Variants in TENM3 observed in about 807,000 individuals in gnomAD.
TENM3 encodes the protein teneurin-3.
A neutral mutation model predicts 255.1 loss-of-function variants in TENM3; 63 were observed. That is an observed-to-expected ratio of 0.25 (90% CI 0.20 to 0.30). The LOEUF (loss-of-function observed/expected upper bound fraction) is 0.30, where lower values mean the gene tolerates loss of function less well. Among genes scored for constraint, TENM3 ranks in the 10% least tolerant of loss-of-function variants. The pLI is 1.00. For missense variants in TENM3, 2,929 were observed against 3,461.1 expected, an observed-to-expected ratio of 0.85 and a Z score of 3.86; for synonymous variants, 1,306 against 1,322.3, an observed-to-expected ratio of 0.99 and a Z score of 0.27.
the TENM3 span, among the ~76,000 whole-genome samples, chr4:181,760,695 GC>G: frequency 6.6e-6 from 1 of 151,970 alleles, no homozygotes; most frequent in East Asian, 1.9e-4. Flanking sequence ...TGACCAACTA[GC>G]TGTTATTCCC....
chr4:182,342,684 C>G (rs920974292), intron 2 of TENM3, among the ~76,000 whole-genome samples: 1 of 151,844 alleles, frequency 6.6e-6, no homozygotes, highest in African/African-American at 2.4e-5. Context: ...AGCAAGAGAC[C>G]AAGAGAGAAG....
At chr4:181,614,595 C>A in the TENM3 span, among the ~76,000 whole-genome samples, 2 of 152,206 alleles carry the variant, frequency 1.3e-5, no homozygotes, top group Non-Finnish European at 2.9e-5. Flanking sequence ...TTAACACAGT[C>A]TCTGCATTCA....
the TENM3 span, among the ~76,000 whole-genome samples, chr4:181,839,370 T>TAC: frequency 4.1e-5 from 4 of 98,540 alleles, no homozygotes; most frequent in African/African-American, 1.7e-4. Flanking sequence ...TATATATATA[T>TAC]ATATATATAT....
At chr4:182,044,319 G>C in the TENM3 span, among the ~76,000 whole-genome samples, 1 of 152,206 alleles carries the variant, frequency 6.6e-6, no homozygotes, top group Non-Finnish European at 1.5e-5. Flanking sequence ...GATTTAGGAA[G>C]ATGTCTTGAG....
At chr4:182,665,851 G>T (rs1341346300) in intron 6 of TENM3, among the ~76,000 whole-genome samples, 1 of 152,072 alleles carries the variant, frequency 6.6e-6, no homozygotes. Flanking sequence ...AGCCAAGATG[G>T]CGCCACTGCA....
At chr4:182,628,514 T>C (rs1350575729) in intron 4 of TENM3, 137 bp from the exon 5 acceptor site, 5 of 621,024 alleles carry the variant, frequency 8.1e-6, no homozygotes, top group Non-Finnish European at 1.1e-5. Flanking sequence ...TTTTTAATGT[T>C]TTAGGTTATA....
chr4:181,614,183 CAAAG>C, the TENM3 span, among the ~76,000 whole-genome samples: 1 of 151,978 alleles, frequency 6.6e-6, no homozygotes, highest in East Asian at 1.9e-4. Flanking sequence ...TTGGTGTCCT[CAAAG>C]ATTTTTTTCA....
the TENM3 span, among the ~76,000 whole-genome samples, chr4:181,978,152 TA>T: frequency 5.7e-3 from 868 of 152,202 alleles, 3 homozygotes; most frequent in African/African-American, 0.02. Flanking sequence ...AAAGAGAAAT[TA>T]AACCAATGAA....
At chr4:181,739,301 T>G in the TENM3 span, among the ~76,000 whole-genome samples, 1 of 152,110 alleles carries the variant, frequency 6.6e-6, no homozygotes, top group African/African-American at 2.4e-5. Context: ...GAAACCAATG[T>G]TTAAGAATGA....
chr4:181,926,260 A>T, the TENM3 span, among the ~76,000 whole-genome samples: 1 of 152,218 alleles, frequency 6.6e-6, no homozygotes, highest in Non-Finnish European at 1.5e-5. Context: ...AATGGTCTTT[A>T]TCACTGAATT....
chr4:182,190,171 C>T (rs1753423812), intron 1 of TENM3: 1 of 152,082 alleles, frequency 6.6e-6, no homozygotes, highest in Non-Finnish European at 1.5e-5. Context: ...AGAAACATTT[C>T]CTCATTTTGG....
chr4:182,780,129 G>A (rs552399068), intron 24 of TENM3, among the ~76,000 whole-genome samples: 17 of 152,028 alleles, frequency 1.1e-4, no homozygotes, highest in Non-Finnish European at 1.6e-4. Flanking sequence ...AAGTCCTTGC[G>A]CATGCCTATG....
At chr4:182,337,647 C>T (rs1168755750) in intron 2 of TENM3, among the ~76,000 whole-genome samples, 1 of 152,170 alleles carries the variant, frequency 6.6e-6, no homozygotes, top group African/African-American at 2.4e-5. Context: ...AAAATAACAT[C>T]TCCCACTGGA....
At chr4:181,472,127 T>C in the TENM3 span, among the ~76,000 whole-genome samples, 8 of 152,100 alleles carry the variant, frequency 5.3e-5, no homozygotes, top group African/African-American at 1.9e-4. Context: ...TATTTTGGGG[T>C]GTCATGTTCT....
chr4:182,789,692 T>C lies in TENM3; in HGVS notation c.5601+303T>C, dbSNP rs76933069. Among the ~76,000 whole-genome samples the C allele has an allele frequency of 4.9e-3, 740 of 152,360 alleles. 7 individuals carry two copies. The highest frequency in any genetic ancestry group is 0.017 in the African/African-American group (706 of 41,580). On this transcript the variant is annotated intron_variant, in intron 25 of 27. Coordinates refer to ENST00000511685, the MANE Select transcript of TENM3 (RefSeq NM_001080477.4). This position sits in a 1 kb window ranked among gnomAD's most constrained non-coding sequence, Gnocchi z 4.4. ...TTGACAACATTCACAAATTAGACCTTGAGCGTGTAAGTCGCTTGTAAATAA... is the reference window on the plus strand; with the variant it reads ...TTGACAACATTCACAAATTAGACCTCGAGCGTGTAAGTCGCTTGTAAATAA...
rs116476806 is a variant in TENM3 at position 182,365,213 on chromosome 4, G to A, written c.511+18284G>A. On this transcript the variant is annotated intron_variant, in intron 3 of 27. Coordinates refer to ENST00000511685, the MANE Select transcript of TENM3 (RefSeq NM_001080477.4). Reference sequence around the variant, plus strand: ...GTATTTCTTCTTTTGTGAATTGCCAGTTCTTGCCTCTGTCCCTTATTCTGT... The same window carrying A: ...GTATTTCTTCTTTTGTGAATTGCCAATTCTTGCCTCTGTCCCTTATTCTGT... Among the ~76,000 whole-genome samples, 442 of 152,278 alleles carry A rather than the reference G, an allele frequency of 2.9e-3. 4 individuals carry two copies. The highest frequency in any genetic ancestry group is 0.01 in the African/African-American group (429 of 41,550).
At chr4:181,749,264 A>G in the TENM3 span, among the ~76,000 whole-genome samples, 1 of 152,124 alleles carries the variant, frequency 6.6e-6, no homozygotes, top group Non-Finnish European at 1.5e-5. Flanking sequence ...TAACTCTAAC[A>G]TAAATCTTCC....
At chr4:181,448,504 A>T in the TENM3 span, among the ~76,000 whole-genome samples, 1 of 152,314 alleles carries the variant, frequency 6.6e-6, no homozygotes, top group Non-Finnish European at 1.5e-5. Flanking sequence ...AATTTTATAC[A>T]GAAGAGGTAG....
the TENM3 span, among the ~76,000 whole-genome samples, chr4:181,892,274 G>C: frequency 6.6e-6 from 1 of 152,102 alleles, no homozygotes; most frequent in Non-Finnish European, 1.5e-5. Context: ...TAGCCACTGA[G>C]TCCTAGTATA....
Sources: gnomAD v4.1 joint callset for allele counts (sites outside exome capture counted in the v4.1 genomes callset) on GRCh38, gnomAD v4.1.1 for gene constraint, Gnocchi (gnomAD v3.1) non-coding constraint, MANE v1.5 for transcripts, NCBI Gene and HGNC (gene_info 2026-07-23, HGNC 2026-07-21) for gene names.